The following OXSR1 variants were observed in gnomAD, a reference collection of about 807,000 sequenced individuals.
OXSR1 encodes serine/threonine-protein kinase OSR1.
OXSR1 carries 24 observed loss-of-function variants against 79.8 expected under a neutral mutation model. The ratio of observed to expected loss-of-function variants is 0.30; its 90% CI spans 0.22 to 0.42. OXSR1 has a LOEUF of 0.42. OXSR1 is among the 10% of genes least tolerant of loss of function. The pLI, the probability that OXSR1 is intolerant of heterozygous loss-of-function variation, is 1.00. For synonymous variants in OXSR1, 226 were observed against 209.2 expected, an observed-to-expected ratio of 1.08 and a Z score of -0.69; for missense variants, 430 against 618.4, an observed-to-expected ratio of 0.70 and a Z score of 3.23.
intron 1 of OXSR1, among the ~76,000 whole-genome samples, chr3:38,175,585 G>A (rs1032594253): frequency 2.0e-5 from 3 of 152,206 alleles, no homozygotes; most frequent in African/African-American, 7.2e-5. Context: ...ACAGGTGGGA[G>A]CCACAATGCC....
chr3:38,217,727 A>G lies in OXSR1; in HGVS notation c.490+1576A>G, dbSNP rs536063980. 9.9e-5 allele frequency among the ~76,000 whole-genome samples: 15 copies of G among 152,176 alleles called. No individual in the cohort carries two copies. The South Asian group carries it at 3.1e-3, about 32-fold the overall frequency. ...TTTGTAGTAGAGACAGTGTTTCTCC[A>G]TGTTGGCCAGGCTGGTCCTGAACTG... On this transcript the variant is annotated intron_variant, in intron 5 of 17. Transcript: ENST00000311806.
intron 11 of OXSR1, among the ~76,000 whole-genome samples, chr3:38,237,960 T>C (rs538739610): frequency 2.6e-4 from 40 of 152,326 alleles, no homozygotes; most frequent in African/African-American, 9.4e-4. Flanking sequence ...AATTTTATAG[T>C]TCTACCTTCC....
chr3:38,203,756 C>A (rs1471120662), intron 4 of OXSR1, among the ~76,000 whole-genome samples: 1 of 152,168 alleles, frequency 6.6e-6, no homozygotes, highest in African/African-American at 2.4e-5. Context: ...CCTGTGGCTA[C>A]CAGCACTGGG....
At chr3:38,203,082 G>C (rs1018076648) in intron 4 of OXSR1, among the ~76,000 whole-genome samples, 1 of 152,182 alleles carries the variant, frequency 6.6e-6, no homozygotes, top group Non-Finnish European at 1.5e-5. Context: ...TGTTCCTCCC[G>C]TACCCCTGGT....
At chr3:38,166,343 A>G (rs1034592735) in intron 1 of OXSR1, among the ~76,000 whole-genome samples, 4 of 152,080 alleles carry the variant, frequency 2.6e-5, no homozygotes, top group African/African-American at 9.7e-5. Flanking sequence ...TGGGATAGAT[A>G]GGGAGCTTTA....
At chr3:38,169,579 A>G (rs1173620575) in intron 1 of OXSR1, among the ~76,000 whole-genome samples, 1 of 151,586 alleles carries the variant, frequency 6.6e-6, no homozygotes, top group Non-Finnish European at 1.5e-5. Context: ...TGCTGGGATT[A>G]CAGGGGTGAG....
intron 4 of OXSR1, among the ~76,000 whole-genome samples, chr3:38,199,792 G>A (rs1438516559): frequency 2.6e-5 from 4 of 152,184 alleles, no homozygotes; most frequent in African/African-American, 4.8e-5. Context: ...TCCTTGGGCC[G>A]GTTGCTGCCA....
intron 4 of OXSR1, among the ~76,000 whole-genome samples, chr3:38,208,211 AT>A (rs945664709): frequency 1.3e-5 from 2 of 152,054 alleles, no homozygotes; most frequent in Admixed American, 6.5e-5. Flanking sequence ...GCCGTACCCC[AT>A]TTTTAGCGAT....
chr3:38,227,793 GCAAAGA>G (rs1702722630), intron 8 of OXSR1, among the ~76,000 whole-genome samples: 1 of 152,034 alleles, frequency 6.6e-6, no homozygotes, highest in African/African-American at 2.4e-5. Context: ...TGGACACGAA[GCAAAGA>G]CAAACTCCTA....
intron 1 of OXSR1, among the ~76,000 whole-genome samples, chr3:38,180,678 A>G (rs573392929): frequency 1.3e-5 from 2 of 151,804 alleles, no homozygotes; most frequent in South Asian, 4.2e-4. Context: ...CTATAAGTGC[A>G]CACCACCACG....
At chr3:38,223,120 C>T (rs918363429) in intron 6 of OXSR1, among the ~76,000 whole-genome samples, 2 of 152,052 alleles carry the variant, frequency 1.3e-5, no homozygotes, top group Non-Finnish European at 2.9e-5. Flanking sequence ...TCTTGGTACA[C>T]ATTAGAGGTA....
chr3:38,182,485 CATTT>C (rs1386512712), intron 1 of OXSR1, among the ~76,000 whole-genome samples: 6 of 152,152 alleles, frequency 3.9e-5, no homozygotes, highest in African/African-American at 1.4e-4. Flanking sequence ...AGAGTTTTCT[CATTT>C]ATTTATTTGT....
intron 1 of OXSR1, among the ~76,000 whole-genome samples, chr3:38,175,807 A>G (rs1701667084): frequency 6.6e-6 from 1 of 152,216 alleles, no homozygotes; most frequent in Non-Finnish European, 1.5e-5. Flanking sequence ...GGTTGCAGTT[A>G]AAGAACTAAC....
At chr3:38,252,745 A>G (rs754225439) in intron 17 of OXSR1, 72 bp from the exon 18 acceptor site, 13 of 1,199,506 alleles carry the variant, frequency 1.1e-5, no homozygotes, top group Admixed American at 5.1e-5. Context: ...CCACTATCCC[A>G]TGTCTGTTTT....
chr3:38,166,937 G>C (rs997297894), intron 1 of OXSR1, among the ~76,000 whole-genome samples: 1 of 152,166 alleles, frequency 6.6e-6, no homozygotes, highest in African/African-American at 2.4e-5. Context: ...TAACATTTCA[G>C]TTGAGCCCTG....
At chr3:38,185,501 A>G (rs972199091) in intron 2 of OXSR1, among the ~76,000 whole-genome samples, 2 of 152,168 alleles carry the variant, frequency 1.3e-5, no homozygotes, top group Non-Finnish European at 1.5e-5. Context: ...CACAAGAATC[A>G]CTTGAACCTG....
intron 4 of OXSR1, among the ~76,000 whole-genome samples, chr3:38,208,275 TG>T (rs1702309582): frequency 6.6e-6 from 1 of 152,134 alleles, no homozygotes; most frequent in Non-Finnish European, 1.5e-5. Context: ...CAGTTTTAGA[TG>T]GAAATTCATA....
At chr3:38,185,780 A>G (rs1446648273) in intron 2 of OXSR1, among the ~76,000 whole-genome samples, 1 of 151,638 alleles carries the variant, frequency 6.6e-6, no homozygotes, top group African/African-American at 2.4e-5. Context: ...CCATCTCTAA[A>G]ATGAAAAATA....
At chr3:38,200,424 T>G (rs1702144198) in intron 4 of OXSR1, among the ~76,000 whole-genome samples, 1 of 152,200 alleles carries the variant, frequency 6.6e-6, no homozygotes, top group Admixed American at 6.5e-5. Context: ...TGCCATGTTG[T>G]CCTTCAAGTT....
Sources: allele counts gnomAD v4.1 joint callset (sites outside exome capture counted in the v4.1 genomes callset), GRCh38; gene constraint gnomAD v4.1.1; transcripts MANE v1.5; gene names NCBI Gene and HGNC (gene_info 2026-07-23, HGNC 2026-07-21).